CD99: variants seen among roughly 807,000 people sequenced by gnomAD.
The protein encoded by CD99 is CD99 antigen.
In CD99, 19 loss-of-function variants were observed where a neutral mutation model predicts 28.4. The ratio of observed to expected loss-of-function variants is 0.67; its 90% confidence interval spans 0.47 to 0.98. The LOEUF is 0.98. Among genes scored for constraint, CD99 ranks in the 50% least tolerant of loss-of-function variants. The pLI is 0.00. For missense variants in CD99, 283 were observed against 248.8 expected (o/e 1.14, Z -0.92); for synonymous variants, 103 against 92.1 (o/e 1.12, Z -0.67).
At chrX:2,721,346 T>A (rs920278336) in intron 5 of CD99, among the ~76,000 whole-genome samples, 2 of 151,958 alleles carry the variant, frequency 1.3e-5, no homozygotes, top group African/African-American at 2.4e-5. Context: ...TACAGTGCTG[T>A]GATCATATTA....
At chrX:2,711,865 C>A (rs1424258440) in intron 1 of CD99, among the ~76,000 whole-genome samples, 1 of 151,978 alleles carries the variant, frequency 6.6e-6, no homozygotes, top group African/African-American at 2.4e-5. Context: ...CATGGTGAAA[C>A]CCCGTCTCTA....
intron 1 of CD99, among the ~76,000 whole-genome samples, chrX:2,706,598 A>C (rs1186460702): frequency 6.6e-6 from 1 of 151,984 alleles, no homozygotes; most frequent in Non-Finnish European, 1.5e-5. Flanking sequence ...GCTGGGGCTG[A>C]GTGAATTGGA....
intron 1 of CD99, 165 bp downstream of exon 1, chrX:2,691,592 GC>G: frequency 1.3e-6 from 1 of 767,232 alleles, no homozygotes; most frequent in Non-Finnish European, 2.3e-6. Flanking sequence ...CGGAGGAGGC[GC>G]CCACTTTCTC....
intron 8 of CD99, chrX:2,737,841 C>T (rs1415989721): frequency 4.8e-6 from 2 of 417,018 alleles, no homozygotes; most frequent in Admixed American, 7.1e-5. Flanking sequence ...AAATAAGAAT[C>T]TTATTTTCAC....
intron 1 of CD99, among the ~76,000 whole-genome samples, chrX:2,705,526 G>A (rs1215589155): frequency 6.6e-6 from 1 of 152,160 alleles, no homozygotes; most frequent in African/African-American, 2.4e-5. Context: ...GTGTCTTGAT[G>A]TATGTATCCA....
At chrX:2,722,241 C>T (rs2049025919) in intron 5 of CD99, among the ~76,000 whole-genome samples, 1 of 151,990 alleles carries the variant, frequency 6.6e-6, no homozygotes, top group Admixed American at 6.6e-5. Flanking sequence ...GATTTATAAG[C>T]CTTCTTCATT....
chrX:2,725,583 C>T (rs761815243), intron 7 of CD99, among the ~76,000 whole-genome samples: 1 of 152,146 alleles, frequency 6.6e-6, no homozygotes, highest in Admixed American at 6.6e-5. Flanking sequence ...GCTCCTTCCT[C>T]CAGGTTTGAT....
chrX:2,738,189 C>A lies in CD99; in HGVS notation c.476-11C>A. On this transcript the variant is annotated splice_polypyrimidine_tract_variant and intron_variant, in intron 8 of 9. Transcript: ENST00000381192. ...ACTGAGCCTCTCTGTGTATTTTCTT[C>A]TTCTTTTCAGCAGAACAAGGGGAGG... is the stretch of plus-strand genomic sequence containing the variant. 6.2e-7 allele frequency: 1 copy of A among 1,613,564 alleles called. No homozygotes were observed. Among genetic ancestry groups the A allele is most frequent in the Non-Finnish European group, 8.5e-7 (1 of 1,179,534 alleles).
Position 2,691,434 on chromosome X carries a change from G to C in CD99, c.67+7G>C. 6.3e-7 allele frequency: 1 copy of C among 1,581,628 alleles called. No homozygotes were observed. The highest frequency in any genetic ancestry group is 8.5e-7 in the Non-Finnish European group (1 of 1,172,868). The stretch of plus-strand genomic sequence containing the variant: ...GTTCTGGTCGCCGCCCCGGGTGAGC[G>C]AGCGGAGGGATCCGGGTTGGGGGAC... On this transcript the variant is annotated splice_region_variant and intron_variant, in intron 1 of 9. Coordinates refer to ENST00000381192, the MANE Select transcript of CD99 (RefSeq NM_002414.5).
chrX:2,699,817 C>T (rs2047761802), intron 1 of CD99, among the ~76,000 whole-genome samples: 1 of 152,148 alleles, frequency 6.6e-6, no homozygotes, highest in Non-Finnish European at 1.5e-5. Context: ...TGTCAAGAAT[C>T]ATTGTTATTT....
At chrX:2,705,986 GC>G (rs1206243272) in intron 1 of CD99, among the ~76,000 whole-genome samples, 3 of 150,818 alleles carry the variant, frequency 2.0e-5, no homozygotes, top group Non-Finnish European at 4.4e-5. Context: ...CCTTCCCGAG[GC>G]CCCCCAAACC....
chrX:2,701,085 A>G (rs1219912986), intron 1 of CD99, among the ~76,000 whole-genome samples: 1 of 150,602 alleles, frequency 6.6e-6, no homozygotes, highest in Non-Finnish European at 1.5e-5. Context: ...CCACCTATCC[A>G]CCCTTACCTC....
intron 8 of CD99, among the ~76,000 whole-genome samples, chrX:2,727,078 A>G (rs1463436356): frequency 3.3e-5 from 5 of 152,222 alleles, no homozygotes; most frequent in African/African-American, 1.2e-4. Flanking sequence ...CAGAGCTTGC[A>G]GTGAGCTGAG....
Position 2,714,402 on chromosome X carries a change from A to G in CD99, c.68-20A>G. 2 of 1,547,616 alleles carry G rather than the reference A, an allele frequency of 1.3e-6. No individual in the cohort carries two copies. Among genetic ancestry groups the G allele is most frequent in the Non-Finnish European group, 1.8e-6 (2 of 1,128,712 alleles). ...TTTTATTTTTCTTGTTTCTAAGTTG[A>G]CTCTTTTTTTCTCTCTTAGATGGTG... On this transcript the variant is annotated intron_variant, in intron 1 of 9. Coordinates refer to ENST00000381192, the MANE Select transcript of CD99 (RefSeq NM_002414.5).
chrX:2,740,457 C>T (rs1172335730), intron 9 of CD99, among the ~76,000 whole-genome samples: 3 of 152,152 alleles, frequency 2.0e-5, no homozygotes, highest in Admixed American at 6.5e-5. Context: ...AAAAACTGCA[C>T]ACTCTCATTT....
Position 2,741,066 on chromosome X carries a change from A to G in CD99, c.*262A>G. ...GGGGGCGGTTTCCCATGGGATGTGA[A>G]AGGCTGGCCATTATTAAGTCCCTGT... On this transcript the variant is annotated 3_prime_UTR_variant, in exon 10 of 10. Coordinates refer to ENST00000381192, the MANE Select transcript of CD99 (RefSeq NM_002414.5). The G allele has an allele frequency of 1.9e-6, 1 of 537,018 alleles. No homozygotes were observed. Among genetic ancestry groups the G allele is most frequent in the Non-Finnish European group, 3.3e-6 (1 of 300,422 alleles). 33.3% of individuals were successfully genotyped at this position (537,018 alleles called of 1,614,324 possible).
chrX:2,733,760 C>T (rs945172220), intron 8 of CD99: 7 of 305,514 alleles, frequency 2.3e-5, no homozygotes, highest in African/African-American at 1.5e-4. Context: ...CACCCTCTTC[C>T]CTGCAGTGTC....
At chrX:2,727,270 A>T in intron 8 of CD99, 1 of 778,016 alleles carries the variant, frequency 1.3e-6, no homozygotes, top group South Asian at 1.3e-5. Flanking sequence ...AGGAGGACGT[A>T]CTCACCATTG....
At chrX:2,733,184 T>C (rs2049759980) in intron 8 of CD99, 1 of 199,066 alleles carries the variant, frequency 5.0e-6, no homozygotes, top group Non-Finnish European at 9.0e-6. Context: ...TTAATTTTGG[T>C]TTCCACTTCC....
Sources: allele counts gnomAD v4.1 joint callset (sites outside exome capture counted in the v4.1 genomes callset), GRCh38; gene constraint gnomAD v4.1.1; transcripts MANE v1.5; gene names NCBI Gene and HGNC (gene_info 2026-07-23, HGNC 2026-07-21).